Variants in COBL observed in about 807,000 individuals in gnomAD.
COBL encodes the protein cordon-bleu WH2 repeat protein, also known as protein cordon-bleu.
In COBL, 51 loss-of-function variants were observed where a neutral mutation model predicts 98.8. The observed-to-expected ratio is 0.52, with a 90% confidence interval of 0.41 to 0.65. COBL has a LOEUF of 0.65. COBL is among the 30% of genes least tolerant of loss of function. The probability of loss-of-function intolerance (pLI) is 0.00; values close to 1 mark genes in which losing one functional copy is unlikely to be tolerated. For synonymous variants in COBL, 634 were observed against 651.7 expected (o/e 0.97, Z 0.41); for missense variants, 1,617 against 1,617.5 (o/e 1.00, Z 0.01).
intron 1 of COBL, among the ~76,000 whole-genome samples, chr7:51,257,401 C>T (rs555175780): frequency 9.2e-5 from 14 of 152,146 alleles, no homozygotes; most frequent in African/African-American, 2.4e-4. Context: ...TGAGGATAAA[C>T]GATAGCATAT....
intron 1 of COBL, among the ~76,000 whole-genome samples, chr7:51,255,427 G>C (rs1467515690): frequency 6.6e-6 from 1 of 152,148 alleles, no homozygotes; most frequent in Admixed American, 6.5e-5. Flanking sequence ...GAGAAACAAT[G>C]TGGAACAGTA....
chr7:51,190,669 C>T (rs1790017915), intron 4 of COBL, among the ~76,000 whole-genome samples, 181 bp downstream of exon 4: 1 of 152,108 alleles, frequency 6.6e-6, no homozygotes. Flanking sequence ...CAGCTCAATC[C>T]AGAGGAATGA....
intron 10 of COBL, among the ~76,000 whole-genome samples, chr7:51,027,509 T>C (rs1019241896): frequency 2.0e-5 from 3 of 152,216 alleles, no homozygotes; most frequent in Non-Finnish European, 4.4e-5. Flanking sequence ...CTCACACCCA[T>C]CCATTTTGTC....
At chr7:51,102,622 A>G (rs1795904813) in intron 6 of COBL, among the ~76,000 whole-genome samples, 1 of 152,210 alleles carries the variant, frequency 6.6e-6, no homozygotes, top group Admixed American at 6.5e-5. Flanking sequence ...GGAAGTGAAG[A>G]CACTCCTTAA....
chr7:51,219,849 C>A lies in COBL; in HGVS notation c.137G>T (p.Gly46Val), dbSNP rs774532130. The change falls in exon 2 of 13, where the codon GGG becomes GTG. Residue 46 changes from glycine to valine, a missense_variant. This residue lies in a region of COBL where 238 missense variants were observed against 215.0 expected (regional missense o/e 1.11). Coordinates refer to ENST00000265136, the MANE Select transcript of COBL (RefSeq NM_015198.5). ...CATGCGAACCAAGTTCTGCTGCGAC[C>A]CGAGGGCCCCATCGTGGGGGGGCTT... Reference protein sequence around the residue: ...DQKPPHDGALGSQQNLVRMKE... With the variant: ...DQKPPHDGALVSQQNLVRMKE... 3 of 1,613,948 alleles carry A rather than the reference C, an allele frequency of 1.9e-6. No individual in the cohort carries two copies. In the African/African-American group the frequency reaches 4.0e-5, roughly 22 times the overall value.
chr7:51,188,590 G>T (rs1488634345), intron 4 of COBL, among the ~76,000 whole-genome samples: 1 of 152,210 alleles, frequency 6.6e-6, no homozygotes. Context: ...TGGTGCCTTG[G>T]GGGTGGGGTG....
rs145714843 is a variant in COBL at position 51,258,732 on chromosome 7, AAG to A, written c.42-38790_42-38789del. On this transcript the variant is annotated intron_variant, in intron 1 of 12. Transcript: ENST00000265136. Reference sequence around the variant, plus strand: ...AATAGCAATAAAAAGTAATTTCAAAAAGAGTTAAGATTTCTTCAGCAAAATAA... The same window carrying A: ...AATAGCAATAAAAAGTAATTTCAAAAAGTTAAGATTTCTTCAGCAAAATAA... Among the ~76,000 whole-genome samples, 718 of 152,352 alleles carry A rather than the reference AAG, an allele frequency of 4.7e-3. 3 individuals are homozygous for A. The highest frequency in any genetic ancestry group is 0.016 in the African/African-American group (667 of 41,580).
At chr7:51,228,145 A>G (rs1198046292) in intron 1 of COBL, among the ~76,000 whole-genome samples, 1 of 152,178 alleles carries the variant, frequency 6.6e-6, no homozygotes, top group Non-Finnish European at 1.5e-5. Context: ...CTGGAAAAAC[A>G]TCAGGTCAAA....
intron 6 of COBL, among the ~76,000 whole-genome samples, chr7:51,094,578 G>A (rs1795109763): frequency 6.6e-6 from 1 of 152,086 alleles, no homozygotes; most frequent in Admixed American, 6.5e-5. Flanking sequence ...AGCTGATGAA[G>A]TTGATCATCT....
intron 8 of COBL, chr7:51,035,334 T>C (rs1788531646): frequency 6.6e-6 from 1 of 151,648 alleles, no homozygotes; most frequent in Admixed American, 6.6e-5. Context: ...TTTTTCTTTT[T>C]GATGAGGCTA....
intron 1 of COBL, among the ~76,000 whole-genome samples, chr7:51,302,687 C>G (rs1313527425): frequency 6.6e-6 from 1 of 151,844 alleles, no homozygotes; most frequent in Non-Finnish European, 1.5e-5. Context: ...TGCTTAAGGC[C>G]AGGAGTTCAA....
At chr7:51,134,996 CTT>C (rs1202647390) in intron 6 of COBL, among the ~76,000 whole-genome samples, 3 of 151,820 alleles carry the variant, frequency 2.0e-5, no homozygotes, top group Admixed American at 6.6e-5. Flanking sequence ...GAGTTTCTCT[CTT>C]GTCACCCAGG....
intron 6 of COBL, among the ~76,000 whole-genome samples, chr7:51,134,633 ACTTTTT>A (rs1421023411): frequency 6.6e-6 from 1 of 152,242 alleles, no homozygotes; most frequent in Non-Finnish European, 1.5e-5. Context: ...TGGAAGTCAT[ACTTTTT>A]ATTACTAACT....
At chr7:51,237,280 C>T (rs548408601) in intron 1 of COBL, among the ~76,000 whole-genome samples, 19 of 151,222 alleles carry the variant, frequency 1.3e-4, no homozygotes, top group Non-Finnish European at 2.6e-4. Flanking sequence ...TTAATTCTAG[C>T]CTATTAGAAA....
intron 7 of COBL, chr7:51,072,915 C>T (rs1792709477): frequency 6.5e-6 from 1 of 153,626 alleles, no homozygotes; most frequent in Non-Finnish European, 1.4e-5. Flanking sequence ...CTTAGTTTTA[C>T]CAGGTAGACA....
intron 7 of COBL, among the ~76,000 whole-genome samples, chr7:51,046,612 A>C (rs548873604): frequency 6.6e-6 from 1 of 152,320 alleles, no homozygotes; most frequent in Non-Finnish European, 1.5e-5. Context: ...GAATGAGATA[A>C]TGGTGCAGGA....
At chr7:51,220,581 T>G (rs943261887) in intron 1 of COBL, among the ~76,000 whole-genome samples, 2 of 152,222 alleles carry the variant, frequency 1.3e-5, no homozygotes, top group Non-Finnish European at 2.9e-5. Flanking sequence ...AGACTGTGCT[T>G]CAAATGCTCA....
intron 1 of COBL, among the ~76,000 whole-genome samples, chr7:51,276,228 T>C (rs147143907): frequency 9.6e-4 from 146 of 152,326 alleles, no homozygotes; most frequent in African/African-American, 3.4e-3. Flanking sequence ...TTCTCAGACA[T>C]TTCTTAATCC....
rs1399930495 is a variant in COBL, at chr7:51,043,619, C to T, written c.1170G>A (p.Glu390=). The T allele has an allele frequency of 1.2e-6, 2 of 1,614,246 alleles. No homozygotes were observed. The highest frequency in any genetic ancestry group is 2.2e-5 in the South Asian group (2 of 91,084). The change falls in exon 8 of 13, where the codon GAG becomes GAA. Residue 390 remains glutamate (E), a synonymous_variant. Coordinates refer to ENST00000265136, the MANE Select transcript of COBL (RefSeq NM_015198.5). ...CAAAACAGCTGCCAACTGACACGGT[C>T]TCCTCCGCCTCTGACAGCACCTGCG... ...GAPQVLSEAE[E]TVSVGSCFAS...
Sources: allele counts gnomAD v4.1 joint callset (sites outside exome capture counted in the v4.1 genomes callset), GRCh38; gene constraint gnomAD v4.1.1; regional missense constraint gnomAD v4.1.1; transcripts MANE v1.5; gene names NCBI Gene and HGNC (gene_info 2026-07-23, HGNC 2026-07-21).